NALF1: variants seen among roughly 807,000 people sequenced by gnomAD.
The protein encoded by NALF1 is family with sequence similarity 155 member A.
A neutral mutation model predicts 48.4 loss-of-function variants in NALF1; 3 were observed. The observed-to-expected ratio is 0.06, with a 90% CI of 0.03 to 0.16. The LOEUF is 0.16. NALF1 is among the 10% of genes least tolerant of loss of function. NALF1 has a pLI of 1.00. For missense variants in NALF1, 526 were observed against 571.5 expected, an observed-to-expected ratio of 0.92 and a Z score of 0.81; for synonymous variants, 262 against 245.7, an observed-to-expected ratio of 1.07 and a Z score of -0.62.
chr13:107,587,856 A>G (rs964881565), intron 1 of NALF1, among the ~76,000 whole-genome samples: 3 of 152,134 alleles, frequency 2.0e-5, no homozygotes, highest in African/African-American at 7.2e-5. Context: ...TCTCACATGG[A>G]TGCATCCCTG....
At chr13:107,738,488 T>A (rs978711347) in intron 1 of NALF1, among the ~76,000 whole-genome samples, 30 of 152,150 alleles carry the variant, frequency 2.0e-4, no homozygotes, top group Non-Finnish European at 4.0e-4. Context: ...CTCATTCTTC[T>A]AACAGTCAAT....
chr13:107,322,811 T>C (rs1426325653), intron 1 of NALF1, among the ~76,000 whole-genome samples: 1 of 152,136 alleles, frequency 6.6e-6, no homozygotes, highest in South Asian at 2.1e-4. Context: ...TTACCATTCA[T>C]AAATTACCTC....
chr13:107,660,188 C>T (rs1880689833), intron 1 of NALF1, among the ~76,000 whole-genome samples: 1 of 151,712 alleles, frequency 6.6e-6, no homozygotes, highest in South Asian at 2.1e-4. Flanking sequence ...ACTTATAATC[C>T]CAGCACTTTG....
At chr13:107,312,499 C>G (rs1870611197) in intron 1 of NALF1, among the ~76,000 whole-genome samples, 1 of 151,900 alleles carries the variant, frequency 6.6e-6, no homozygotes, top group Admixed American at 6.6e-5. Context: ...TGCAGCACAC[C>G]AACATGGCAC....
chr13:107,207,827 A>AT (rs1264714645), intron 2 of NALF1, among the ~76,000 whole-genome samples: 8 of 152,030 alleles, frequency 5.3e-5, no homozygotes, highest in Non-Finnish European at 1.0e-4. Context: ...TTTATTTTTA[A>AT]TTTTTTGTAG....
At chr13:107,756,334 C>T (rs941727469) in intron 1 of NALF1, among the ~76,000 whole-genome samples, 7 of 151,792 alleles carry the variant, frequency 4.6e-5, no homozygotes, top group Middle Eastern at 3.4e-3. Context: ...CCTGGTGATG[C>T]CAATGTGGCT....
At chr13:107,454,305 G>A (rs984373942) in intron 1 of NALF1, among the ~76,000 whole-genome samples, 33 of 152,160 alleles carry the variant, frequency 2.2e-4, no homozygotes, top group African/African-American at 7.7e-4. Flanking sequence ...ATAAAAGAAA[G>A]AGGTTTAATT....
At chr13:107,833,802 T>A (rs2138629402) in intron 1 of NALF1, among the ~76,000 whole-genome samples, 1 of 152,306 alleles carries the variant, frequency 6.6e-6, no homozygotes. Context: ...ATCCTTTTAC[T>A]TTTTTTCTAA....
At chr13:107,308,941 GA>G (rs1170615940) in intron 1 of NALF1, among the ~76,000 whole-genome samples, 1 of 152,140 alleles carries the variant, frequency 6.6e-6, no homozygotes, top group Non-Finnish European at 1.5e-5. Context: ...TTTAATTCCT[GA>G]AAAACATTTG....
chr13:107,179,431 G>A (rs1362347172), intron 2 of NALF1, among the ~76,000 whole-genome samples: 15 of 152,038 alleles, frequency 9.9e-5, no homozygotes, highest in Admixed American at 7.2e-4. Context: ...TAGATAGAAT[G>A]AGTATGATCT....
chr13:107,340,303 G>A (rs1170414102), intron 1 of NALF1, among the ~76,000 whole-genome samples: 1 of 151,704 alleles, frequency 6.6e-6, no homozygotes, highest in African/African-American at 2.4e-5. Context: ...AACACGCCCG[G>A]CTAATTTTTG....
intron 1 of NALF1, among the ~76,000 whole-genome samples, chr13:107,606,699 A>G (rs1291162987): frequency 6.6e-6 from 1 of 152,154 alleles, no homozygotes; most frequent in Non-Finnish European, 1.5e-5. Flanking sequence ...CATTTCAAAA[A>G]TATTTGTTGA....
chr13:107,801,519 A>G (rs922326552), intron 1 of NALF1, among the ~76,000 whole-genome samples: 2 of 152,210 alleles, frequency 1.3e-5, no homozygotes, highest in African/African-American at 4.8e-5. Flanking sequence ...AAAGGCAATA[A>G]TAATAAGACA....
rs999039845 is a variant in NALF1 at position 107,167,790 on chromosome 13, T to G, written c.*2707A>C. ...GGGGGTGGGGGGCAGTGTGTACCTCTTATGTAAAGCAATGGTGGTTTTAGT... is the reference window on the plus strand; with the variant it reads ...GGGGGTGGGGGGCAGTGTGTACCTCGTATGTAAAGCAATGGTGGTTTTAGT... On this transcript the variant is annotated 3_prime_UTR_variant, in exon 3 of 3. Transcript: ENST00000375915. 6.6e-6 allele frequency: 1 copy of G among 152,192 alleles called. No individual in the cohort carries two copies. The highest frequency in any genetic ancestry group is 2.4e-5 in the African/African-American group (1 of 41,428). The allele number at this position is 152,192 out of a possible 1,614,324, so 9.4% of individuals were successfully genotyped here.
At chr13:107,816,544 T>G (rs773566301) in intron 1 of NALF1, among the ~76,000 whole-genome samples, 2 of 152,024 alleles carry the variant, frequency 1.3e-5, no homozygotes, top group Non-Finnish European at 2.9e-5. Flanking sequence ...TTCAATTATC[T>G]CCCACTGGGT....
chr13:107,814,726 A>C (rs1385889319), intron 1 of NALF1, among the ~76,000 whole-genome samples: 1 of 152,198 alleles, frequency 6.6e-6, no homozygotes. Context: ...TAATTCAAAA[A>C]CAATAATTGG....
At chr13:107,233,870 A>G (rs528742000) in intron 1 of NALF1, among the ~76,000 whole-genome samples, 1 of 152,344 alleles carries the variant, frequency 6.6e-6, no homozygotes, top group African/African-American at 2.4e-5. Context: ...ATCAAATAAT[A>G]AAGTCAGCAG....
At chr13:107,701,538 CA>C (rs1362838859) in intron 1 of NALF1, among the ~76,000 whole-genome samples, 1 of 151,858 alleles carries the variant, frequency 6.6e-6, no homozygotes, top group Non-Finnish European at 1.5e-5. Context: ...ACACGTGGGT[CA>C]AAAGACACAA....
rs574153936 is a variant in NALF1 at position 107,866,278 on chromosome 13, G to C, written c.319C>G (p.Leu107Val). ...RQQEPSWPAL[L>V]ASMGESSPAA... ...GGCGAGGACTCCCCCATGCTCGCCA[G>C]GAGCGCGGGCCAGGAGGGCTCCTGC... Residue 107 changes from leucine (L) to valine (V), a missense_variant, in exon 1 of 3, where the codon CTG becomes GTG. Leu to Val is a conservative substitution (Grantham distance 32). This residue lies in a region of NALF1 where 373 missense variants were observed against 355.5 expected (regional missense o/e 1.05). Coordinates refer to ENST00000375915, the MANE Select transcript of NALF1 (RefSeq NM_001080396.3). The surrounding 1 kb of genome is among the most constrained non-coding windows in gnomAD (Gnocchi z 4.4). 1.2e-5 allele frequency: 19 copies of C among 1,600,246 alleles called. No individual in the cohort carries two copies. Among genetic ancestry groups the C allele is most frequent in the Non-Finnish European group, 1.3e-5 (15 of 1,175,526 alleles).
Sources: gnomAD v4.1 joint callset for allele counts (sites outside exome capture counted in the v4.1 genomes callset) on GRCh38, gnomAD v4.1.1 for gene constraint, gnomAD v4.1.1 regional missense constraint, Gnocchi (gnomAD v3.1) non-coding constraint, MANE v1.5 for transcripts, NCBI Gene and HGNC (gene_info 2026-07-23, HGNC 2026-07-21) for gene names.